The following CAST variants were observed in gnomAD, a reference collection of about 807,000 sequenced individuals.
CAST encodes calpastatin, also known as MIR583 host.
A neutral mutation model predicts 119.6 loss-of-function variants in CAST; 76 were observed. That is an observed-to-expected ratio of 0.64 (90% CI 0.53 to 0.77). The LOEUF (loss-of-function observed/expected upper bound fraction) is 0.77. Among genes scored for constraint, CAST ranks in the 30% least tolerant of loss-of-function variants. CAST has a pLI of 0.00. For synonymous variants in CAST, 319 were observed against 331.6 expected, an observed-to-expected ratio of 0.96 and a Z score of 0.41; for missense variants, 953 against 946.5, an observed-to-expected ratio of 1.01 and a Z score of -0.09.
the CAST span, among the ~76,000 whole-genome samples, chr5:96,409,193 C>G: frequency 6.6e-6 from 1 of 152,196 alleles, no homozygotes; most frequent in Non-Finnish European, 1.5e-5. Flanking sequence ...GACCACGGCG[C>G]TGCTGGTTGG....
At chr5:96,632,583 G>A (rs1747834859) in intron 1 of CAST, among the ~76,000 whole-genome samples, 3 of 151,742 alleles carry the variant, frequency 2.0e-5, no homozygotes, top group Admixed American at 2.0e-4. Context: ...TTGCTCTTAT[G>A]AGTCTTTGAT....
intron 4 of CAST, 123 bp from the exon 5 acceptor site, chr5:96,726,671 T>C (rs944083829): frequency 6.2e-6 from 4 of 642,716 alleles, no homozygotes; most frequent in African/African-American, 3.7e-5. Flanking sequence ...TATACACATA[T>C]GCATCGAGTA....
chr5:96,412,750 A>ATTTTTTTTTT, the CAST span, among the ~76,000 whole-genome samples: 3 of 63,386 alleles, frequency 4.7e-5, no homozygotes, highest in African/African-American at 2.4e-4. Flanking sequence ...GGCAGCTGTG[A>ATTTTTTTTTT]TGTTTTTTTT....
chr5:96,074,243 A>G, the CAST span, among the ~76,000 whole-genome samples: 1 of 152,174 alleles, frequency 6.6e-6, no homozygotes, highest in Non-Finnish European at 1.5e-5. Flanking sequence ...TTTGTAGGTT[A>G]ACTGATGTTT....
chr5:96,740,092 C>T lies in CAST; in HGVS notation c.853C>T (p.Pro285Ser). Residue 285 changes from proline to serine, a missense_variant, in exon 12 of 32, where the codon CCT (proline) becomes TCT (serine). Physicochemically the swap from Pro to Ser is moderately conservative, Grantham distance 74. Transcript: ENST00000675179. ...ATTGGGTAAAAGAGAAGTCACAATTCCTCCAAAATATAGGGAACTATTGGC... is the reference window on the plus strand; with the variant it reads ...ATTGGGTAAAAGAGAAGTCACAATTTCTCCAAAATATAGGGAACTATTGGC... ...EELGKREVTI[P>S]PKYRELLAKK... is the part of the protein sequence containing the mutation. The T allele has an allele frequency of 6.4e-7, 1 of 1,559,222 alleles. No individual in the cohort carries two copies. Among genetic ancestry groups the T allele is most frequent in the Non-Finnish European group, 8.8e-7 (1 of 1,138,350 alleles).
At chr5:96,097,345 T>TTTA in the CAST span, among the ~76,000 whole-genome samples, 3 of 151,410 alleles carry the variant, frequency 2.0e-5, no homozygotes, top group African/African-American at 4.9e-5. Context: ...TTTTTTTTTT[T>TTTA]AACTTTTACT....
intron 1 of CAST, among the ~76,000 whole-genome samples, chr5:96,544,884 C>A (rs1235000783): frequency 2.7e-5 from 4 of 150,034 alleles, no homozygotes; most frequent in Non-Finnish European, 5.9e-5. Context: ...ATATAAAAAC[C>A]CAGATAGACT....
chr5:96,525,219 A>C (rs1441595909), upstream of CAST: 1 of 152,124 alleles, frequency 6.6e-6, no homozygotes, highest in Non-Finnish European at 1.5e-5. Context: ...TTTTTGTTTG[A>C]GCTGAATTAC....
the CAST span, among the ~76,000 whole-genome samples, chr5:96,361,907 C>T: frequency 7.0e-6 from 1 of 143,630 alleles, no homozygotes; most frequent in South Asian, 2.3e-4. Flanking sequence ...CATATGTATA[C>T]ATGTGCCATG....
chr5:96,331,309 TAC>T, the CAST span, among the ~76,000 whole-genome samples: 2 of 152,162 alleles, frequency 1.3e-5, no homozygotes, highest in Admixed American at 1.3e-4. Context: ...TTCCCTTTCT[TAC>T]ACACAGAACT....
chr5:96,339,168 A>G, the CAST span, among the ~76,000 whole-genome samples: 2 of 152,220 alleles, frequency 1.3e-5, no homozygotes, highest in Non-Finnish European at 2.9e-5. Flanking sequence ...TAGCTGTGCA[A>G]CTTGATTTGA....
chr5:96,610,718 G>A (rs1747344926), intron 1 of CAST, among the ~76,000 whole-genome samples: 1 of 152,098 alleles, frequency 6.6e-6, no homozygotes, highest in Non-Finnish European at 1.5e-5. Flanking sequence ...AGTAAAAGAG[G>A]AAGTCAAATT....
intron 2 of CAST, among the ~76,000 whole-genome samples, chr5:96,680,121 T>C (rs2150259427): frequency 6.6e-6 from 1 of 150,754 alleles, no homozygotes; most frequent in East Asian, 2.0e-4. Context: ...GAGGCTGAGG[T>C]GGGCGGATCA....
At chr5:96,645,880 A>G (rs1308775167) in intron 1 of CAST, among the ~76,000 whole-genome samples, 1 of 151,260 alleles carries the variant, frequency 6.6e-6, no homozygotes, top group East Asian at 1.9e-4. Context: ...AATATGTATA[A>G]TATTTTAAAA....
chr5:96,459,978 A>G, the CAST span, among the ~76,000 whole-genome samples: 1 of 152,162 alleles, frequency 6.6e-6, no homozygotes, highest in Non-Finnish European at 1.5e-5. Flanking sequence ...CAGTCAGTGA[A>G]CAGCTTTGGT....
At chr5:96,442,817 C>T in the CAST span, among the ~76,000 whole-genome samples, 2 of 152,204 alleles carry the variant, frequency 1.3e-5, no homozygotes, top group African/African-American at 4.8e-5. Flanking sequence ...TGCTGCTTCA[C>T]TTTCTTTTTC....
the CAST span, among the ~76,000 whole-genome samples, chr5:96,080,923 G>A: frequency 2.0e-5 from 3 of 152,062 alleles, no homozygotes; most frequent in African/African-American, 7.2e-5. Flanking sequence ...AGAGTGTGAA[G>A]CCTTAACTGA....
the CAST span, among the ~76,000 whole-genome samples, chr5:96,030,720 C>T: frequency 5.8e-4 from 88 of 152,132 alleles, no homozygotes; most frequent in Admixed American, 1.2e-3. Flanking sequence ...GAGCTAGATG[C>T]TATTACCTGG....
At chr5:96,220,785 A>G in the CAST span, among the ~76,000 whole-genome samples, 9 of 152,182 alleles carry the variant, frequency 5.9e-5, no homozygotes, top group Admixed American at 2.0e-4. Context: ...ACTACCTGAC[A>G]TCCTTTTTTT....
Sources: allele counts gnomAD v4.1 joint callset (sites outside exome capture counted in the v4.1 genomes callset), GRCh38; gene constraint gnomAD v4.1.1; transcripts MANE v1.5; gene names NCBI Gene and HGNC (gene_info 2026-07-23, HGNC 2026-07-21).